Variants in MAP3K13 observed in about 807,000 individuals in gnomAD.
MAP3K13 encodes mitogen-activated protein kinase kinase kinase 13, also known as leucine zipper-bearing kinase.
In MAP3K13, 52 loss-of-function variants were observed where a neutral mutation model predicts 104.0. The ratio of observed to expected loss-of-function variants is 0.50; its 90% CI spans 0.40 to 0.63. The LOEUF (loss-of-function observed/expected upper bound fraction) is 0.63, where lower values mean the gene tolerates loss of function less well. Among genes scored for constraint, MAP3K13 ranks in the 20% least tolerant of loss-of-function variants. The pLI is 0.00. For synonymous variants in MAP3K13, 394 were observed against 442.2 expected (o/e 0.89, Z 1.37); for missense variants, 914 against 1,218.5 (o/e 0.75, Z 3.72).
At chr3:185,307,705 A>G (rs565446380) in intron 2 of MAP3K13, among the ~76,000 whole-genome samples, 1 of 151,776 alleles carries the variant, frequency 6.6e-6, no homozygotes, top group African/African-American at 2.4e-5. Flanking sequence ...CACCACACCC[A>G]GCTAATTTTT....
intron 1 of MAP3K13, among the ~76,000 whole-genome samples, chr3:185,373,877 G>T (rs1724287200): frequency 6.7e-6 from 1 of 148,408 alleles, no homozygotes; most frequent in Admixed American, 6.7e-5. Context: ...ATTTCACCTG[G>T]GTGCAGGCGG....
At chr3:185,467,079 GAT>G in intron 10 of MAP3K13, 116 bp downstream of exon 10, 10 of 1,163,898 alleles carry the variant, frequency 8.6e-6, no homozygotes, top group Non-Finnish European at 1.1e-5. Flanking sequence ...TGACTGTAGA[GAT>G]ACTCAGTACT....
chr3:185,293,018 T>C (rs1720797139), intron 2 of MAP3K13: 7 of 985,252 alleles, frequency 7.1e-6, no homozygotes, highest in Middle Eastern at 1.0e-3. Context: ...TGTACAAATG[T>C]GTGTGTGTGA....
chr3:185,322,730 C>G (rs939571088), intron 2 of MAP3K13, among the ~76,000 whole-genome samples: 1 of 152,222 alleles, frequency 6.6e-6, no homozygotes, highest in Non-Finnish European at 1.5e-5. Flanking sequence ...TAGGTACCAA[C>G]AAATATTTAT....
intron 2 of MAP3K13, among the ~76,000 whole-genome samples, chr3:185,298,997 C>T (rs1721009209): frequency 6.6e-6 from 1 of 152,158 alleles, no homozygotes; most frequent in Non-Finnish European, 1.5e-5. Context: ...CTTTTTCGCT[C>T]ATAAAATCTA....
intron 1 of MAP3K13, among the ~76,000 whole-genome samples, chr3:185,421,730 G>A (rs1288025651): frequency 6.6e-6 from 1 of 152,170 alleles, no homozygotes; most frequent in Non-Finnish European, 1.5e-5. Flanking sequence ...AACTGAGAGG[G>A]CAGAAGACAG....
chr3:185,369,812 C>T (rs1231655782), intron 1 of MAP3K13, among the ~76,000 whole-genome samples: 1 of 152,174 alleles, frequency 6.6e-6, no homozygotes, highest in East Asian at 1.9e-4. Context: ...ATCCATTTAC[C>T]TGCCTTCTTT....
rs201265411 is a variant in MAP3K13 at position 185,465,868 on chromosome 3, G to A, written c.1505+5G>A. ...GCGGGAGAAGGAGCTCATTAAGTAT[G>A]TATCCAGACTAGTGTCTGTTCTTAC... is the stretch of plus-strand genomic sequence containing the variant. On this transcript the variant is annotated splice_donor_5th_base_variant and intron_variant, in intron 9 of 13. Coordinates refer to ENST00000265026, the MANE Select transcript of MAP3K13 (RefSeq NM_004721.5). 1.2e-3 allele frequency: 1,835 copies of A among 1,588,200 alleles called. 4 individuals carry two copies. Among genetic ancestry groups the A allele is most frequent in the Middle Eastern group, 8.5e-3 (51 of 6,016 alleles).
chr3:185,373,243 A>C (rs1724244463), intron 1 of MAP3K13, among the ~76,000 whole-genome samples: 1 of 152,180 alleles, frequency 6.6e-6, no homozygotes. Context: ...CATCACAGGA[A>C]ACTGAAAAAG....
intron 1 of MAP3K13, among the ~76,000 whole-genome samples, chr3:185,405,600 CATCT>C (rs1713069179): frequency 6.6e-6 from 1 of 152,220 alleles, no homozygotes; most frequent in Admixed American, 6.5e-5. Flanking sequence ...ACAGCAGCCT[CATCT>C]CTCTCCATCC....
intron 1 of MAP3K13, among the ~76,000 whole-genome samples, chr3:185,375,917 C>T (rs953267071): frequency 3.3e-5 from 5 of 152,158 alleles, no homozygotes; most frequent in Admixed American, 2.6e-4. Flanking sequence ...AATATTGACG[C>T]ATAGTCGCTT....
chr3:185,334,829 G>A (rs1722419471), intron 2 of MAP3K13, among the ~76,000 whole-genome samples: 1 of 151,916 alleles, frequency 6.6e-6, no homozygotes, highest in Non-Finnish European at 1.5e-5. Flanking sequence ...GGCTAGTCTC[G>A]AATTCCTAAC....
chr3:185,296,894 G>A (rs1281907195), intron 2 of MAP3K13, among the ~76,000 whole-genome samples: 1 of 152,058 alleles, frequency 6.6e-6, no homozygotes, highest in Non-Finnish European at 1.5e-5. Flanking sequence ...TGTAGGATGG[G>A]GACATAAAGA....
At chr3:185,368,386 G>A (rs1560068624) in intron 1 of MAP3K13, among the ~76,000 whole-genome samples, 2 of 152,018 alleles carry the variant, frequency 1.3e-5, no homozygotes, top group Non-Finnish European at 1.5e-5. Flanking sequence ...AATTGCTCTC[G>A]GTCCAGTCCA....
intron 10 of MAP3K13, among the ~76,000 whole-genome samples, chr3:185,468,283 G>T (rs1235210746): frequency 6.6e-6 from 1 of 152,168 alleles, no homozygotes; most frequent in Non-Finnish European, 1.5e-5. Flanking sequence ...TAGCATGGGA[G>T]TTTTGTGAAG....
At position 185,454,613 on chromosome 3, in the gene MAP3K13, G is replaced by GAT. The variant is rs796412860; in HGVS notation, c.1278+3227_1278+3228dup. Among the ~76,000 whole-genome samples the GAT allele has an allele frequency of 2.9e-5, 2 of 69,984 alleles. 1 individual carries two copies. Among genetic ancestry groups the GAT allele is most frequent in the African/African-American group, 1.1e-4 (2 of 17,504 alleles). The allele number at this position is 69,984 out of a possible 152,430, so 45.9% of individuals were successfully genotyped here. On this transcript the variant is annotated intron_variant, in intron 7 of 13. Transcript: ENST00000265026. ...ATATAGATATATATGAGATATATAT[G>GAT]ATATATATATGAGATATATATATGA...
chr3:185,436,232 A>G (rs147602416), intron 2 of MAP3K13, among the ~76,000 whole-genome samples: 10 of 152,352 alleles, frequency 6.6e-5, no homozygotes, highest in South Asian at 6.2e-4. Flanking sequence ...TAAGACAGAA[A>G]ACAATAGAGA....
chr3:185,436,178 T>C (rs573665843), intron 2 of MAP3K13, among the ~76,000 whole-genome samples: 58 of 152,336 alleles, frequency 3.8e-4, no homozygotes, highest in Middle Eastern at 6.8e-3. Context: ...AATAGCATTT[T>C]ATTCATTATA....
At chr3:185,375,207 G>A (rs1387020101) in intron 1 of MAP3K13, among the ~76,000 whole-genome samples, 1 of 152,162 alleles carries the variant, frequency 6.6e-6, no homozygotes, top group African/African-American at 2.4e-5. Context: ...GACCCTGTGG[G>A]AAAGGCCTCT....
Sources: allele counts gnomAD v4.1 joint callset (sites outside exome capture counted in the v4.1 genomes callset), GRCh38; gene constraint gnomAD v4.1.1; transcripts MANE v1.5; gene names NCBI Gene and HGNC (gene_info 2026-07-23, HGNC 2026-07-21).